The following LMO7 variants were observed in gnomAD, a reference collection of about 807,000 sequenced individuals.
LMO7 encodes the protein LIM domain 7.
A neutral mutation model predicts 206.5 loss-of-function variants in LMO7; 120 were observed. That is an observed-to-expected ratio of 0.58 (90% CI 0.50 to 0.68). The LOEUF (loss-of-function observed/expected upper bound fraction) is 0.68, where lower values mean the gene tolerates loss of function less well. Among genes scored for constraint, LMO7 ranks in the 30% least tolerant of loss-of-function variants. The pLI, the probability that LMO7 is intolerant of heterozygous loss-of-function variation, is 0.00. For synonymous variants in LMO7, 706 were observed against 681.5 expected (o/e 1.04, Z -0.56); for missense variants, 1,959 against 1,957.9 (o/e 1.00, Z -0.01).
At chr13:75,707,218 G>A (rs1435039978) in intron 1 of LMO7, among the ~76,000 whole-genome samples, 3 of 151,584 alleles carry the variant, frequency 2.0e-5, no homozygotes, top group East Asian at 3.9e-4. Flanking sequence ...TTAAAAATAA[G>A]TGTAATTCTA....
rs573675387 is a variant in LMO7, at chr13:75,713,129, CT to C, written c.70-51del. 399 of 1,296,672 alleles carry C rather than the reference CT, an allele frequency of 3.1e-4. 2 individuals are homozygous for C. In the African/African-American group the frequency reaches 4.0e-3, roughly 13 times the overall value. 80.3% of individuals were successfully genotyped at this position (1,296,672 alleles called of 1,614,324 possible). On this transcript the variant is annotated intron_variant, in intron 1 of 30. Transcript: ENST00000377534. ...TTAATTAATCTAATACTGAATTGGA[CT>C]TGTGTGCTATCCCTGCTTAAGAGAA...
intron 4 of LMO7, among the ~76,000 whole-genome samples, chr13:75,787,414 T>C (rs776968294): frequency 6.6e-6 from 1 of 152,246 alleles, no homozygotes. Context: ...TTTGAATGCG[T>C]GTGTGTGTGG....
chr13:75,633,118 C>T (rs1021736794), upstream of LMO7, among the ~76,000 whole-genome samples: 1 of 152,078 alleles, frequency 6.6e-6, no homozygotes, highest in Non-Finnish European at 1.5e-5. Flanking sequence ...CCGCCTCGGC[C>T]TCCCAAAGCG....
Position 75,853,175 on chromosome 13 carries a change from A to T in LMO7, c.4448A>T (p.Tyr1483Phe). 6.2e-7 allele frequency: 1 copy of T among 1,614,034 alleles called. No homozygotes were observed. The highest frequency in any genetic ancestry group is 8.5e-7 in the Non-Finnish European group (1 of 1,179,992). Residue 1483 changes from tyrosine (Y) to phenylalanine (F), a missense_variant, in exon 28 of 31, where the codon TAT becomes TTT. Coordinates refer to ENST00000377534, the MANE Select transcript of LMO7 (RefSeq NM_001306080.2). ...TGGCTCAATCAGCCCACAGGATTCT[A>T]TGCTTCTTCCTCTGTGCAAGACTTT... ...PPWLNQPTGFYASSSVQDFSR... is the reference protein window; with the variant it reads ...PPWLNQPTGFFASSSVQDFSR...
At chr13:75,790,692 T>C (rs983631993) in intron 4 of LMO7, among the ~76,000 whole-genome samples, 1 of 152,110 alleles carries the variant, frequency 6.6e-6, no homozygotes, top group African/African-American at 2.4e-5. Context: ...GATAAGATGA[T>C]TAGAGCTGCA....
At chr13:75,747,444 G>T (rs544078168) in intron 3 of LMO7, among the ~76,000 whole-genome samples, 77 of 152,318 alleles carry the variant, frequency 5.1e-4, no homozygotes, top group African/African-American at 1.7e-3. Flanking sequence ...AGCACCCATA[G>T]CCTGTAACAC....
chr13:75,831,584 C>T (rs2058671822), intron 15 of LMO7, among the ~76,000 whole-genome samples: 1 of 152,154 alleles, frequency 6.6e-6, no homozygotes, highest in Admixed American at 6.5e-5. Flanking sequence ...GCACCAACAT[C>T]TGCTTGGCTT....
chr13:75,736,016 G>A (rs1002254200), intron 3 of LMO7, among the ~76,000 whole-genome samples: 32 of 152,188 alleles, frequency 2.1e-4, no homozygotes, highest in African/African-American at 7.7e-4. Flanking sequence ...TGGAATGCTC[G>A]AATTGTAGTG....
chr13:75,704,078 T>C (rs1014863391), intron 1 of LMO7, among the ~76,000 whole-genome samples: 7 of 152,316 alleles, frequency 4.6e-5, no homozygotes, highest in African/African-American at 1.7e-4. Flanking sequence ...CAATGAAGTT[T>C]AATGAACGGA....
At chr13:75,621,524 C>G (rs2033311663) in exon 1 of LMO7, 11 of 383,668 alleles carry the variant, frequency 2.9e-5, no homozygotes. Context: ...TCTAAATCAC[C>G]CTGAGCAATT....
intron 1 of LMO7, among the ~76,000 whole-genome samples, chr13:75,694,572 A>C (rs1233656786): frequency 1.3e-5 from 2 of 152,172 alleles, no homozygotes; most frequent in African/African-American, 4.8e-5. Flanking sequence ...TCTGCCAGAG[A>C]AGCCTAGAAC....
chr13:75,625,574 C>T (rs751464385), intron 2 of LMO7, among the ~76,000 whole-genome samples: 5 of 152,160 alleles, frequency 3.3e-5, no homozygotes, highest in Non-Finnish European at 5.9e-5. Flanking sequence ...CTCCCTCTGT[C>T]CAGACAAAGC....
intron 3 of LMO7, among the ~76,000 whole-genome samples, chr13:75,737,659 A>T (rs1283355039): frequency 2.4e-4 from 35 of 142,930 alleles, no homozygotes; most frequent in African/African-American, 7.3e-4. Flanking sequence ...AGGCTGAGGC[A>T]GGAGGATGGC....
intron 14 of LMO7, among the ~76,000 whole-genome samples, chr13:75,822,248 A>G (rs1178417045): frequency 6.6e-6 from 1 of 152,186 alleles, no homozygotes; most frequent in Non-Finnish European, 1.5e-5. Flanking sequence ...AATTCTTTTT[A>G]GCTCTGCTAA....
intron 8 of LMO7, 138 bp from the exon 9 acceptor site, chr13:75,805,341 G>T: frequency 2.0e-6 from 2 of 1,017,160 alleles, no homozygotes; most frequent in Non-Finnish European, 2.8e-6. Context: ...TGTCCTAGGA[G>T]CTGTGGTGGT....
intron 28 of LMO7, among the ~76,000 whole-genome samples, chr13:75,853,765 C>A (rs1268851187): frequency 6.6e-6 from 1 of 152,172 alleles, no homozygotes; most frequent in Non-Finnish European, 1.5e-5. Flanking sequence ...TCAGTATTGT[C>A]AAATAGCTGA....
In LMO7 at chr13:75,636,610, C is replaced by T. The variant is rs1226440588; in HGVS notation, c.-48C>T. 1.9e-6 allele frequency: 3 copies of T among 1,546,754 alleles called. No homozygotes were observed. Among genetic ancestry groups the T allele is most frequent in the Non-Finnish European group, 2.6e-6 (3 of 1,146,904 alleles). On this transcript the variant is annotated 5_prime_UTR_variant, in exon 1 of 31. Coordinates refer to ENST00000377534, the MANE Select transcript of LMO7 (RefSeq NM_001306080.2). ...GGGCCCAGACGCGCGGGGACAACCC[C>T]TCCCCTCCACGCATCCCGAGTCTCT...
rs181635364 is a variant in LMO7, at chr13:75,723,695, C to G, written c.141-3334C>G. The stretch of plus-strand genomic sequence containing the variant: ...TGACAAGGCTTTTGAACAGAGCCAG[C>G]TCTCTAGTATCTGTCATTGTGCAAC... On this transcript the variant is annotated intron_variant, in intron 2 of 30. Transcript: ENST00000377534. Among the ~76,000 whole-genome samples the G allele has an allele frequency of 3.3e-5, 5 of 152,238 alleles. No homozygotes were observed. In the East Asian group the frequency reaches 5.8e-4, roughly 18 times the overall value.
intron 2 of LMO7, among the ~76,000 whole-genome samples, chr13:75,725,079 C>T (rs1240704249): frequency 6.6e-6 from 1 of 152,018 alleles, no homozygotes; most frequent in Non-Finnish European, 1.5e-5. Flanking sequence ...TTTCCTTTAC[C>T]TGTATCTCTT....
Sources: allele counts gnomAD v4.1 joint callset (sites outside exome capture counted in the v4.1 genomes callset), GRCh38; gene constraint gnomAD v4.1.1; transcripts MANE v1.5; gene names NCBI Gene and HGNC (gene_info 2026-07-23, HGNC 2026-07-21).